Variants in SEPTIN6 observed in about 807,000 individuals in gnomAD.
SEPTIN6 encodes the protein septin-6.
Under a neutral mutation model 33.6 loss-of-function variants are expected in SEPTIN6, and 8 were observed. The ratio of observed to expected loss-of-function variants is 0.24; its 90% confidence interval spans 0.14 to 0.43. The LOEUF (loss-of-function observed/expected upper bound fraction) is 0.43, where lower values mean the gene tolerates loss of function less well. Ranked by LOEUF, SEPTIN6 falls within the 20% of genes least tolerant of loss-of-function variation. The pLI is 1.00. For missense variants in SEPTIN6, 250 were observed against 340.8 expected (o/e 0.73, Z 2.10); for synonymous variants, 131 against 140.0 (o/e 0.94, Z 0.45).
At chrX:119,638,764 T>C (rs1016594493) in intron 6 of SEPTIN6, among the ~76,000 whole-genome samples, 3 of 112,140 alleles carry the variant, frequency 2.7e-5, no homozygotes, top group Non-Finnish European at 5.6e-5. Context: ...TCCTCCTCCA[T>C]CTCTGGACAG....
chrX:119,645,779 C>G (rs749393145), intron 5 of SEPTIN6, among the ~76,000 whole-genome samples: 16 of 111,267 alleles, frequency 1.4e-4, no homozygotes, highest in Non-Finnish European at 2.3e-4. Flanking sequence ...ATTCGCCCAC[C>G]TTGGCCTCCC....
intron 3 of SEPTIN6, among the ~76,000 whole-genome samples, chrX:119,658,387 C>G (rs1159280899): frequency 8.9e-6 from 1 of 111,752 alleles, no homozygotes; most frequent in African/African-American, 3.2e-5. Context: ...TATTAAACTG[C>G]CAAACACAAT....
chrX:119,678,513 C>T (rs111452273), intron 1 of SEPTIN6, among the ~76,000 whole-genome samples: 9,789 of 103,946 alleles, frequency 0.094, 364 homozygotes, highest in South Asian at 0.27. Context: ...AGCGAGACTC[C>T]GTCTCAAAAA....
At chrX:119,679,148 G>C (rs1477803393) in intron 1 of SEPTIN6, among the ~76,000 whole-genome samples, 1 of 110,806 alleles carries the variant, frequency 9.0e-6, no homozygotes, top group Non-Finnish European at 1.9e-5. Context: ...TGCCATGTTG[G>C]CCAGGCTGGT....
intron 3 of SEPTIN6, among the ~76,000 whole-genome samples, chrX:119,654,630 C>G (rs767054694): frequency 8.9e-6 from 1 of 111,734 alleles, no homozygotes; most frequent in Admixed American, 9.5e-5. Flanking sequence ...TCACAGGATC[C>G]TAGATTCTGA....
chrX:119,692,677 G>C (rs1161017763), intron 1 of SEPTIN6, among the ~76,000 whole-genome samples: 1 of 112,620 alleles, frequency 8.9e-6, no homozygotes, highest in Non-Finnish European at 1.9e-5. Flanking sequence ...GGTCACAACG[G>C]GCAGCCGTGC....
intron 5 of SEPTIN6, 100 bp from the exon 6 acceptor site, chrX:119,640,888 C>T (rs943668612): frequency 1.1e-5 from 6 of 554,194 alleles, no homozygotes; most frequent in South Asian, 2.7e-5. Flanking sequence ...AGGCCCTCAC[C>T]CTGCAATGTC....
Position 119,625,395 on chromosome X carries a change from A to G in SEPTIN6, c.1281-16T>C. ...GCAGAGTTAACTGTAAAACAGTAAGAGCTGATGAAGATGGAGTGAGCATGA... is the reference window on the plus strand; with the variant it reads ...GCAGAGTTAACTGTAAAACAGTAAGGGCTGATGAAGATGGAGTGAGCATGA... On this transcript the variant is annotated splice_polypyrimidine_tract_variant and intron_variant, in intron 9 of 10. Coordinates refer to ENST00000394610, the MANE Select transcript of SEPTIN6 (RefSeq NM_145799.4). 8.3e-7 allele frequency: 1 copy of G among 1,198,919 alleles called. No homozygotes were observed.
rs995356630 is a variant in SEPTIN6, at chrX:119,649,925, G to A, written c.690+12C>T. The A allele has an allele frequency of 3.3e-6, 4 of 1,200,322 alleles. No individual in the cohort carries two copies. Among genetic ancestry groups the A allele is most frequent in the Non-Finnish European group, 4.5e-6 (4 of 887,086 alleles). ...ATAAAAAGCAAATGGTCAGGAAATT[G>A]CTCCCACTCACGTTCATGGTTCCAT... On this transcript the variant is annotated intron_variant, in intron 5 of 10. Coordinates refer to ENST00000394610, the MANE Select transcript of SEPTIN6 (RefSeq NM_145799.4).
rs1028033469 is a variant in SEPTIN6 at position 119,687,443 on chromosome X, G to C, written c.30+5633C>G. Among the ~76,000 whole-genome samples the C allele has an allele frequency of 7.6e-4, 84 of 110,251 alleles. 1 individual carries two copies. Among genetic ancestry groups the C allele is most frequent in the African/African-American group, 2.6e-3 (78 of 30,277 alleles). The stretch of plus-strand genomic sequence containing the variant: ...TTTTTTAATTTTTAGTAGAGATGGG[G>C]TTTCACCGTGTTAGCCAGAATGGTC... On this transcript the variant is annotated intron_variant, in intron 1 of 10. Coordinates refer to ENST00000394610, the MANE Select transcript of SEPTIN6 (RefSeq NM_145799.4).
At chrX:119,689,651 T>C (rs1262304838) in intron 1 of SEPTIN6, among the ~76,000 whole-genome samples, 1 of 110,230 alleles carries the variant, frequency 9.1e-6, no homozygotes, top group Non-Finnish European at 1.9e-5. Flanking sequence ...TAATTTTTTG[T>C]ATTTTTAGTA....
In SEPTIN6 at chrX:119,618,854, C is replaced by T. The variant is rs2053705404; in HGVS notation, c.*1239G>A. 8.3e-7 allele frequency: 1 copy of T among 1,203,529 alleles called. No individual in the cohort carries two copies. Among genetic ancestry groups the T allele is most frequent in the East Asian group, 3.0e-5 (1 of 33,490 alleles). ...ATTGCCAGGTCAACTCCATCTCTCA[C>T]ACTGTCACTGGCCAAACACCAAAGG... On this transcript the variant is annotated 3_prime_UTR_variant, in exon 11 of 11. Transcript: ENST00000394610.
At chrX:119,659,965 C>T (rs982282618) in intron 3 of SEPTIN6, among the ~76,000 whole-genome samples, 2 of 112,166 alleles carry the variant, frequency 1.8e-5, no homozygotes, top group Admixed American at 9.5e-5. Context: ...CGCCACCTTC[C>T]GGGTTCAAGC....
chrX:119,672,831 A>G (rs1235040805), intron 2 of SEPTIN6, among the ~76,000 whole-genome samples: 2 of 112,006 alleles, frequency 1.8e-5, no homozygotes, highest in Non-Finnish European at 1.9e-5. Context: ...AATCATAACC[A>G]TCAGTTAGAC....
chrX:119,625,974 C>T (rs1240508368), intron 9 of SEPTIN6, among the ~76,000 whole-genome samples: 1 of 112,211 alleles, frequency 8.9e-6, no homozygotes, highest in Admixed American at 9.5e-5. Flanking sequence ...AACTCACTAC[C>T]GTGACTATGG....
chrX:119,664,645 T>C (rs765726874), intron 2 of SEPTIN6, among the ~76,000 whole-genome samples: 54 of 108,300 alleles, frequency 5.0e-4, no homozygotes, highest in African/African-American at 1.8e-3. Context: ...CTGGCCAACA[T>C]TGTGAAACCC....
chrX:119,639,246 C>T (rs1175764884), intron 6 of SEPTIN6, among the ~76,000 whole-genome samples: 1 of 111,585 alleles, frequency 9.0e-6, no homozygotes, highest in Non-Finnish European at 1.9e-5. Context: ...GGTGTTTCCC[C>T]AGTGGTAGGG....
chrX:119,675,502 C>A, intron 2 of SEPTIN6, 52 bp downstream of exon 2: 1 of 725,260 alleles, frequency 1.4e-6, no homozygotes. Context: ...CCGTATCCAG[C>A]CATTAAGGAT....
At chrX:119,616,600 G>A, downstream of SEPTIN6, 1 of 716,980 alleles carries the variant, frequency 1.4e-6, no homozygotes, top group Non-Finnish European at 2.2e-6. Flanking sequence ...GAGTGGTGTG[G>A]TGTATGTGTG....
Sources: allele counts gnomAD v4.1 joint callset (sites outside exome capture counted in the v4.1 genomes callset), GRCh38; gene constraint gnomAD v4.1.1; transcripts MANE v1.5; gene names NCBI Gene and HGNC (gene_info 2026-07-23, HGNC 2026-07-21).